The following BCAR1 variants were observed in gnomAD, a reference collection of about 807,000 sequenced individuals.
BCAR1 encodes BCAR1 scaffold protein, Cas family member, also known as breast cancer anti-estrogen resistance protein 1.
BCAR1 carries 30 observed loss-of-function variants against 67.6 expected under a neutral mutation model. The observed-to-expected ratio is 0.44, with a 90% confidence interval of 0.33 to 0.60. The LOEUF (loss-of-function observed/expected upper bound fraction) is 0.60, where lower values mean the gene tolerates loss of function less well. Among genes scored for constraint, BCAR1 ranks in the 20% least tolerant of loss-of-function variants. The probability of loss-of-function intolerance (pLI) is 0.02; values close to 1 mark genes in which losing one functional copy is unlikely to be tolerated. For synonymous variants in BCAR1, 626 were observed against 556.7 expected (o/e 1.12, Z -1.75); for missense variants, 1,313 against 1,222.3 (o/e 1.07, Z -1.11).
intron 4 of BCAR1, chr16:75,236,680 G>T: frequency 9.1e-7 from 1 of 1,099,160 alleles, no homozygotes; most frequent in Non-Finnish European, 1.2e-6. Context: ...CCTCGCAACA[G>T]GCGGTTCTGC....
At position 75,235,134 on chromosome 16, in the gene BCAR1, C is replaced by A. The variant is rs372990494; in HGVS notation, c.1765G>T (p.Asp589Tyr). ...LVACSRAVPEDAKQLASFLHG... is the reference protein window; with the variant it reads ...LVACSRAVPEYAKQLASFLHG... ...AGGAAGGAGGCCAGCTGCTTGGCGTCCTCGGGCACAGCCCGCGAGCAGGCC... is the reference window on the plus strand; with the variant it reads ...AGGAAGGAGGCCAGCTGCTTGGCGTACTCGGGCACAGCCCGCGAGCAGGCC... Residue 589 changes from aspartate to tyrosine, a missense_variant, in exon 5 of 7, where the codon GAC becomes TAC. Physicochemically the swap from Asp to Tyr is radical, Grantham distance 160. Coordinates refer to ENST00000162330, the MANE Select transcript of BCAR1 (RefSeq NM_014567.5). The A allele has an allele frequency of 1.2e-6, 2 of 1,609,854 alleles. No individual in the cohort carries two copies. Among genetic ancestry groups the A allele is most frequent in the African/African-American group, 1.3e-5 (1 of 75,050 alleles).
At chr16:75,260,564 A>G (rs2077883503) in intron 1 of BCAR1, among the ~76,000 whole-genome samples, 1 of 150,336 alleles carries the variant, frequency 6.7e-6, no homozygotes, top group African/African-American at 2.5e-5. Context: ...AACCCGGGAG[A>G]CAAAGGTTGC....
chr16:75,242,830 G>A lies in BCAR1; in HGVS notation c.273C>T (p.Ala91=), dbSNP rs777694259. Residue 91 remains alanine, a synonymous_variant, in exon 2 of 7, where the codon GCC becomes GCT. Transcript: ENST00000162330. The part of the protein sequence containing the change: ...TPAQPQPGLH[A]PAPPASQYTP... Reference sequence around the variant, plus strand: ...TGTACTGGGAGGCCGGAGGCGCTGGGGCATGGAGGCCAGGCTGAGGCTGGG... The same window carrying A: ...TGTACTGGGAGGCCGGAGGCGCTGGAGCATGGAGGCCAGGCTGAGGCTGGG... The A allele has an allele frequency of 3.7e-6, 6 of 1,607,306 alleles. No individual in the cohort carries two copies. The highest frequency in any genetic ancestry group is 5.1e-6 in the Non-Finnish European group (6 of 1,177,790).
At chr16:75,265,983 C>A (rs1175660964) in intron 1 of BCAR1, 3 of 1,051,680 alleles carry the variant, frequency 2.9e-6, no homozygotes, top group Admixed American at 5.5e-5. Context: ...CCGGACTGTC[C>A]GGCCGCTCCA....
Position 75,229,475 on chromosome 16 carries a change from C to T in BCAR1, c.*36G>A, listed in dbSNP as rs1051202440. ...GGGAGCCAGGGAGCTGGGACCGCCG[C>T]ACCCCTCCCCTGCCTCCCTCCTGGG... On this transcript the variant is annotated 3_prime_UTR_variant, in exon 7 of 7. Transcript: ENST00000162330. 1.3e-6 allele frequency: 2 copies of T among 1,491,116 alleles called. No individual in the cohort carries two copies. The highest frequency in any genetic ancestry group is 2.8e-5 in the African/African-American group (2 of 72,428). 92.4% of individuals were successfully genotyped at this position (1,491,116 alleles called of 1,614,324 possible).
intron 1 of BCAR1, chr16:75,264,411 G>A: frequency 6.5e-7 from 1 of 1,531,870 alleles, no homozygotes; most frequent in Non-Finnish European, 8.7e-7. Context: ...CACAGGAGCA[G>A]GGCTGGCCAG....
At chr16:75,267,773 C>T in intron 1 of BCAR1, 5 of 870,564 alleles carry the variant, frequency 5.7e-6, no homozygotes, top group Non-Finnish European at 8.9e-6. Flanking sequence ...AAAGGAGAGC[C>T]CAAGGGAGGG....
At chr16:75,249,564 CCT>C (rs2077613932) in intron 1 of BCAR1, 1 of 152,352 alleles carries the variant, frequency 6.6e-6, no homozygotes, top group African/African-American at 2.4e-5. Flanking sequence ...CCACACTTCA[CCT>C]CTGACTCCAA....
chr16:75,244,919 G>T (rs1202484195), intron 1 of BCAR1, among the ~76,000 whole-genome samples: 1 of 152,258 alleles, frequency 6.6e-6, no homozygotes, highest in Non-Finnish European at 1.5e-5. Context: ...GAAGACACCA[G>T]AGATGTCTGA....
intron 1 of BCAR1, chr16:75,247,895 G>C: frequency 2.9e-6 from 2 of 691,772 alleles, no homozygotes; most frequent in Non-Finnish European, 5.2e-6. Context: ...CAAGACCCCA[G>C]GGTTGGGGGC....
Position 75,243,037 on chromosome 16 carries a change from G to C in BCAR1, c.66C>G (p.Leu22=), listed in dbSNP as rs1476756727. ...TCATGATGTCACCCTTGCGGAAGGA[G>C]AGCTCATCCGGGGACTCGGCCACAT... The part of the protein sequence containing the change: ...YDNVAESPDE[L]SFRKGDIMTV... The change falls in exon 2 of 7, where the codon CTC becomes CTG. Residue 22 remains leucine, a synonymous_variant. Transcript: ENST00000162330. The C allele has an allele frequency of 2.5e-6, 4 of 1,610,276 alleles. No individual in the cohort carries two copies. Among genetic ancestry groups the C allele is most frequent in the Non-Finnish European group, 3.4e-6 (4 of 1,177,202 alleles).
chr16:75,252,417 T>C (rs551526497), upstream of BCAR1: 16 of 1,450,306 alleles, frequency 1.1e-5, no homozygotes, highest in Admixed American at 4.9e-5. Flanking sequence ...ATGAGGGAGA[T>C]AGAAGGAAGA....
upstream of BCAR1, chr16:75,252,002 T>A: frequency 1.1e-5 from 7 of 630,512 alleles, no homozygotes; most frequent in Admixed American, 1.2e-4. Context: ...AGTCGACTTG[T>A]CTTTCCCGCT....
intron 2 of BCAR1, chr16:75,238,633 C>T: frequency 1.0e-6 from 1 of 986,282 alleles, no homozygotes; most frequent in Non-Finnish European, 1.2e-6. Context: ...ACTAGGTCTC[C>T]AGCACGCCTG....
At position 75,251,582 on chromosome 16, in the gene BCAR1, G is replaced by C. The variant is rs2077681353; in HGVS notation, c.-100C>G. ...CTCCGAGCGCGCCGCAGCCGCCCCG[G>C]TGCCGCCGCGCAGCTGCCGCCTCGG... is the stretch of plus-strand genomic sequence containing the variant. On this transcript the variant is annotated 5_prime_UTR_variant, in exon 1 of 7. Transcript: ENST00000162330. 4 of 1,057,832 alleles carry C rather than the reference G, an allele frequency of 3.8e-6. No homozygotes were observed. Among genetic ancestry groups the C allele is most frequent in the South Asian group, 8.8e-5 (2 of 22,728 alleles). 65.5% of individuals were successfully genotyped at this position (1,057,832 alleles called of 1,614,324 possible). A position where few individuals can be genotyped will look rare whatever the true frequency, so the allele number is the denominator to read the frequency against.
chr16:75,243,816 G>A (rs1367662567), intron 1 of BCAR1, among the ~76,000 whole-genome samples: 1 of 152,192 alleles, frequency 6.6e-6, no homozygotes, highest in African/African-American at 2.4e-5. Flanking sequence ...AGCCTCGCTG[G>A]GACACTAGAG....
chr16:75,248,007 C>T (rs1025613934), intron 1 of BCAR1: 1 of 1,119,058 alleles, frequency 8.9e-7, no homozygotes, highest in African/African-American at 1.5e-5. Flanking sequence ...TCCCACACAG[C>T]CACCAGCTCA....
At chr16:75,240,964 A>C (rs1256799686) in intron 2 of BCAR1, among the ~76,000 whole-genome samples, 1 of 152,270 alleles carries the variant, frequency 6.6e-6, no homozygotes, top group Non-Finnish European at 1.5e-5. Flanking sequence ...TCCCCAGCCC[A>C]CAGGGCTTCC....
intron 1 of BCAR1, chr16:75,250,892 G>A: frequency 4.1e-6 from 4 of 985,512 alleles, no homozygotes; most frequent in Non-Finnish European, 4.8e-6. Flanking sequence ...CGGCGCGCCC[G>A]CCCCCACTCC....
Sources: allele counts gnomAD v4.1 joint callset (sites outside exome capture counted in the v4.1 genomes callset), GRCh38; gene constraint gnomAD v4.1.1; transcripts MANE v1.5; gene names NCBI Gene and HGNC (gene_info 2026-07-23, HGNC 2026-07-21).